Variants in OTOG observed in about 807,000 individuals in gnomAD.
OTOG encodes otogelin.
OTOG carries 296 observed loss-of-function variants against 313.8 expected under a neutral mutation model. The ratio of observed to expected loss-of-function variants is 0.94; its 90% CI spans 0.86 to 1.04. The LOEUF (loss-of-function observed/expected upper bound fraction) is 1.04, where lower values mean the gene tolerates loss of function less well. OTOG is among the 50% of genes least tolerant of loss of function. The pLI is 0.00. For synonymous variants in OTOG, 1,533 were observed against 1,554.9 expected (o/e 0.99, Z 0.33); for missense variants, 3,948 against 3,840.1 (o/e 1.03, Z -0.74).
intron 49 of OTOG, among the ~76,000 whole-genome samples, chr11:17,639,952 G>T (rs763544644): frequency 1.3e-5 from 2 of 150,694 alleles, no homozygotes; most frequent in Non-Finnish European, 1.5e-5. Flanking sequence ...TGCAATGATG[G>T]TGGTGGTGGG....
chr11:17,553,819 A>G (rs1851998173), intron 6 of OTOG, among the ~76,000 whole-genome samples: 1 of 152,232 alleles, frequency 6.6e-6, no homozygotes, highest in South Asian at 2.1e-4. Context: ...ACAACAACAC[A>G]GGTATAATCT....
rs560339163 is a variant in OTOG at position 17,596,989 on chromosome 11, C to T, written c.3664C>T (p.Arg1222Ter). The part of the protein sequence containing the change: ...CCQHGVAVDW[R>*]TPRLCPYDCD... ...CCAGCATGGGGTGGCTGTTGACTGG[C>T]GAACCCCCCGCCTCTGCCGTGAGTG... Residue 1222 changes from arginine to a stop codon, truncating the protein, a stop_gained, in exon 30 of 56, where the codon CGA becomes TGA. Coordinates refer to ENST00000399397, the MANE Select transcript of OTOG (RefSeq NM_001292063.2). LOFTEE classifies it high-confidence loss of function. The T allele has an allele frequency of 4.5e-5, 70 of 1,548,596 alleles. No homozygotes were observed. Among genetic ancestry groups the T allele is most frequent in the Non-Finnish European group, 5.6e-5 (64 of 1,145,784 alleles).
At position 17,638,883 on chromosome 11, in the gene OTOG, G is replaced by A; in HGVS notation, c.7894+334G>A. 1.4e-5 allele frequency: 14 copies of A among 988,592 alleles called. No individual in the cohort carries two copies. In the South Asian group the frequency reaches 1.8e-4, roughly 13 times the overall value. The allele number at this position is 988,592 out of a possible 1,614,324, so 61.2% of individuals were successfully genotyped here. On this transcript the variant is annotated intron_variant, in intron 48 of 55. Coordinates refer to ENST00000399397, the MANE Select transcript of OTOG (RefSeq NM_001292063.2). ...GAGGCCAAGGCGGGTGGATCATGAG[G>A]TCAGGAGTTCAAGACCAGCCTGGCC...
chr11:17,634,218 C>A lies in OTOG; in HGVS notation c.7417C>A (p.Arg2473=), dbSNP rs866476223. ...CAGTCCCCGCCCTGAGAGCTGCCTGCGATTCGGGGAGGTGGCCTTGCTCCT... is the reference window on the plus strand; with the variant it reads ...CAGTCCCCGCCCTGAGAGCTGCCTGAGATTCGGGGAGGTGGCCTTGCTCCT... The part of the protein sequence containing the change: ...CPSPRPESCL[R]FGEVALLLPT... Residue 2473 remains arginine (R), a synonymous_variant, in exon 44 of 56, where the codon CGA becomes AGA. Coordinates refer to ENST00000399397, the MANE Select transcript of OTOG (RefSeq NM_001292063.2). 6 of 1,550,392 alleles carry A rather than the reference C, an allele frequency of 3.9e-6. No individual in the cohort carries two copies. In the African/African-American group the frequency reaches 8.2e-5, roughly 21 times the overall value.
At position 17,640,784 on chromosome 11, in the gene OTOG, G is replaced by A. The variant is rs542442173; in HGVS notation, c.7975G>A (p.Val2659Met). ...GCTGGATGAGGAGTTCATGCACAGC[G>A]TGGAGAATGTGTGTGGCTGCGCCAA... ...SQLDEEFMHS[V>M]ENVCGCAKYE... Residue 2659 changes from valine (V) to methionine (M), a missense_variant, in exon 50 of 56, where the codon GTG becomes ATG. Val to Met is a conservative substitution (Grantham distance 21). Transcript: ENST00000399397. 1.6e-4 allele frequency: 247 copies of A among 1,550,278 alleles called. 1 individual carries two copies. The African/African-American group carries it at 1.8e-3, about 11-fold the overall frequency.
chr11:17,602,317 GC>G lies in OTOG; in HGVS notation c.3818del (p.Ala1273GlyfsTer6). Reference sequence around the variant, plus strand: ...AGTCCTAGTGAGGACAGAGGATGTGGCGCCAGCAGACATTGTGAGCTTCCTG... The same window carrying G: ...AGTCCTAGTGAGGACAGAGGATGTGGGCCAGCAGACATTGTGAGCTTCCTG... The part of the protein sequence containing the change: ...DIVLVRTEDV[A>X]PADIVSFLLT... On this transcript the variant is annotated frameshift_variant, in exon 32 of 56. Transcript: ENST00000399397. LOFTEE classifies it high-confidence loss of function. 6.4e-7 allele frequency: 1 copy of G among 1,550,612 alleles called. No individual in the cohort carries two copies. Among genetic ancestry groups the G allele is most frequent in the African/African-American group, 1.4e-5 (1 of 73,184 alleles).
intron 47 of OTOG, among the ~76,000 whole-genome samples, chr11:17,637,724 T>C (rs1276055368): frequency 1.3e-5 from 2 of 152,196 alleles, no homozygotes; most frequent in Non-Finnish European, 2.9e-5. Flanking sequence ...ATTTTTCCTC[T>C]TCCAACCAGA....
At position 17,642,254 on chromosome 11, in the gene OTOG, C is replaced by T. The variant is rs1847992892; in HGVS notation, c.8415+8C>T. 1.3e-6 allele frequency: 2 copies of T among 1,545,714 alleles called. No homozygotes were observed. The highest frequency in any genetic ancestry group is 3.9e-5 in the Admixed American group (2 of 50,690). ...GAGACTGAGTGTGCCAAGGTCAGTG[C>T]CTCCTTCTCCACTGAGGCTGTAGGC... On this transcript the variant is annotated splice_region_variant and intron_variant, in intron 53 of 55. Coordinates refer to ENST00000399397, the MANE Select transcript of OTOG (RefSeq NM_001292063.2).
chr11:17,569,128 T>C, intron 15 of OTOG, 28 bp from the exon 16 acceptor site: 1 of 1,550,376 alleles, frequency 6.5e-7, no homozygotes, highest in East Asian at 2.4e-5. Context: ...AGACCAACAC[T>C]GCCCCATTGA....
Position 17,587,188 on chromosome 11 carries a change from C to T in OTOG, c.2867+607C>T, listed in dbSNP as rs556048501. 5.9e-5 allele frequency among the ~76,000 whole-genome samples: 9 copies of T among 152,214 alleles called. No individual in the cohort carries two copies. In the East Asian group the frequency reaches 7.7e-4, roughly 13 times the overall value. Reference sequence around the variant, plus strand: ...AGGTACATTCTTGTGTATGAAAGTACGTGTGAGGGTATTTGTTTAGTAATG... The same window carrying T: ...AGGTACATTCTTGTGTATGAAAGTATGTGTGAGGGTATTTGTTTAGTAATG... On this transcript the variant is annotated intron_variant, in intron 24 of 55. Coordinates refer to ENST00000399397, the MANE Select transcript of OTOG (RefSeq NM_001292063.2).
intron 39 of OTOG, among the ~76,000 whole-genome samples, chr11:17,616,229 T>A (rs1006364939): frequency 2.6e-5 from 4 of 152,136 alleles, no homozygotes; most frequent in Middle Eastern, 3.4e-3. Flanking sequence ...GCTAATTTTT[T>A]AATTTTGTAT....
At position 17,609,623 on chromosome 11, in the gene OTOG, C is replaced by A. The variant is rs1353777822; in HGVS notation, c.4355-32C>A. 2.1e-6 allele frequency: 3 copies of A among 1,459,394 alleles called. No individual in the cohort carries two copies. In the East Asian group the frequency reaches 7.5e-5, roughly 36 times the overall value. The allele number at this position is 1,459,394 out of a possible 1,614,324, so 90.4% of individuals were successfully genotyped here. A position where few individuals can be genotyped will look rare whatever the true frequency, so the allele number is the denominator to read the frequency against. On this transcript the variant is annotated intron_variant, in intron 35 of 55. Coordinates refer to ENST00000399397, the MANE Select transcript of OTOG (RefSeq NM_001292063.2). ...ATGACCCCCGGGGCAGCAGTCACCC[C>A]GCCTTCTGAACCTCTTCTTTTGTCT...
rs188633076 is a variant in OTOG, at chr11:17,589,330, C to A, written c.2868-2120C>A. Among the ~76,000 whole-genome samples, 79 of 150,564 alleles carry A rather than the reference C, an allele frequency of 5.2e-4. 1 individual carries two copies. Among genetic ancestry groups the A allele is most frequent in the Admixed American group, 1.1e-3 (17 of 15,184 alleles). On this transcript the variant is annotated intron_variant, in intron 24 of 55. Coordinates refer to ENST00000399397, the MANE Select transcript of OTOG (RefSeq NM_001292063.2). ...CTCCTCTCTCCTCAAAGCCCTGACA[C>A]CTCCTCCCCTCTTATTCTCAGCTGA... is the stretch of plus-strand genomic sequence containing the variant.
chr11:17,561,573 G>C, intron 14 of OTOG, 89 bp from the exon 15 acceptor site: 1 of 1,358,002 alleles, frequency 7.4e-7, no homozygotes, highest in Non-Finnish European at 1.0e-6. Flanking sequence ...GGAGGGCAGG[G>C]TGCTGTGTCC....
At chr11:17,639,030 G>C in intron 48 of OTOG, 1 of 326,456 alleles carries the variant, frequency 3.1e-6, no homozygotes, top group Middle Eastern at 1.1e-3. Flanking sequence ...TCCAGCCTGG[G>C]CGACAGAGTG....
chr11:17,602,197 C>T lies in OTOG; in HGVS notation c.3710-13C>T. ...CATGGGGCCAGGTTGCTGATGGGGC[C>T]TCTTCTCTCCAGTGCTAGGTAAGGG... On this transcript the variant is annotated splice_polypyrimidine_tract_variant and intron_variant, in intron 31 of 55. Transcript: ENST00000399397. 1 of 1,549,418 alleles carries T rather than the reference C, an allele frequency of 6.5e-7. No homozygotes were observed. The highest frequency in any genetic ancestry group is 1.2e-5 in the South Asian group (1 of 83,982).
chr11:17,644,137 G>T (rs139141872), intron 54 of OTOG, among the ~76,000 whole-genome samples: 1 of 152,256 alleles, frequency 6.6e-6, no homozygotes, highest in African/African-American at 2.4e-5. Context: ...TGCATGCTGG[G>T]TAGTGAGCTG....
At chr11:17,616,721 G>A (rs1030842889) in intron 39 of OTOG, among the ~76,000 whole-genome samples, 2 of 152,180 alleles carry the variant, frequency 1.3e-5, no homozygotes, top group African/African-American at 4.8e-5. Context: ...TATTGAGCTT[G>A]TATCTTGCAA....
At chr11:17,635,801 C>A (rs1320287285) in intron 47 of OTOG, 90 bp downstream of exon 47, 3 of 1,072,054 alleles carry the variant, frequency 2.8e-6, no homozygotes, top group Non-Finnish European at 4.2e-6. Context: ...TGACAGGGAG[C>A]AACAGAGCGC....
Sources: allele counts gnomAD v4.1 joint callset (sites outside exome capture counted in the v4.1 genomes callset), GRCh38; gene constraint gnomAD v4.1.1; transcripts MANE v1.5; gene names NCBI Gene and HGNC (gene_info 2026-07-23, HGNC 2026-07-21).